ZBTB20: variants seen among roughly 807,000 people sequenced by gnomAD.
The protein encoded by ZBTB20 is zinc finger and BTB domain-containing protein 20.
In ZBTB20, 9 loss-of-function variants were observed where a neutral mutation model predicts 56.9. The observed-to-expected ratio is 0.16, with a 90% CI of 0.10 to 0.28. ZBTB20 has a LOEUF of 0.28. ZBTB20 is among the 10% of genes least tolerant of loss of function. The pLI is 1.00. For missense variants in ZBTB20, 655 were observed against 1,003.0 expected (o/e 0.65, Z 4.69); for synonymous variants, 417 against 420.7 (o/e 0.99, Z 0.11).
intron 7 of ZBTB20, among the ~76,000 whole-genome samples, chr3:114,411,071 TA>T (rs2087901433): frequency 1.3e-5 from 2 of 152,170 alleles, no homozygotes; most frequent in South Asian, 4.1e-4. Flanking sequence ...CTTACAGGGT[TA>T]AAAGCAAACT....
At chr3:114,755,506 T>A (rs181634027) in intron 5 of ZBTB20, among the ~76,000 whole-genome samples, 108 of 152,316 alleles carry the variant, frequency 7.1e-4, no homozygotes, top group African/African-American at 2.5e-3. Context: ...TAACATGTTT[T>A]AATGGTTATT....
intron 1 of ZBTB20, among the ~76,000 whole-genome samples, chr3:115,146,496 A>G (rs2084978327): frequency 6.6e-6 from 1 of 152,186 alleles, no homozygotes; most frequent in Admixed American, 6.5e-5. Context: ...CAGGAATCAA[A>G]AAGTGTTAAC....
At chr3:114,646,542 A>G (rs1037832973) in intron 6 of ZBTB20, among the ~76,000 whole-genome samples, 1 of 152,220 alleles carries the variant, frequency 6.6e-6, no homozygotes, top group African/African-American at 2.4e-5. Context: ...ACATCATAAA[A>G]TAAGCCAAAA....
intron 6 of ZBTB20, among the ~76,000 whole-genome samples, chr3:114,636,749 G>A (rs1474635434): frequency 6.6e-6 from 1 of 151,944 alleles, no homozygotes; most frequent in Admixed American, 6.6e-5. Flanking sequence ...CAGCAACAGA[G>A]GGACAAAGGA....
intron 1 of ZBTB20, chr3:115,103,003 T>C (rs2083625838): frequency 1.3e-5 from 2 of 151,428 alleles, no homozygotes; most frequent in South Asian, 2.1e-4. Flanking sequence ...AGAAGAAGAA[T>C]GTACAACATC....
At chr3:114,849,741 A>G (rs1405072565) in intron 4 of ZBTB20, among the ~76,000 whole-genome samples, 1 of 152,180 alleles carries the variant, frequency 6.6e-6, no homozygotes, top group Non-Finnish European at 1.5e-5. Context: ...ACACATGCAT[A>G]GCAAAAAGAC....
chr3:114,686,516 A>G (rs2062352145), intron 6 of ZBTB20, among the ~76,000 whole-genome samples: 2 of 152,116 alleles, frequency 1.3e-5, no homozygotes, highest in South Asian at 4.1e-4. Flanking sequence ...ACTCTTCTCT[A>G]ATTTTATTTT....
chr3:114,890,374 GT>G (rs1355848839), intron 4 of ZBTB20, among the ~76,000 whole-genome samples: 3 of 152,200 alleles, frequency 2.0e-5, no homozygotes, highest in African/African-American at 4.8e-5. Flanking sequence ...AGTAAATTGT[GT>G]ATGTGAATGA....
intron 5 of ZBTB20, among the ~76,000 whole-genome samples, chr3:114,749,835 C>G (rs1396517557): frequency 6.6e-6 from 1 of 152,144 alleles, no homozygotes; most frequent in Non-Finnish European, 1.5e-5. Flanking sequence ...GATAATGGTA[C>G]CCATCTCACA....
chr3:114,813,682 C>T (rs369934930), intron 4 of ZBTB20, among the ~76,000 whole-genome samples: 2 of 152,114 alleles, frequency 1.3e-5, no homozygotes, highest in Non-Finnish European at 2.9e-5. Flanking sequence ...GCCTGGGAGG[C>T]GGAGGTTGCA....
chr3:115,001,293 A>G (rs2079238800), intron 2 of ZBTB20, among the ~76,000 whole-genome samples: 1 of 151,424 alleles, frequency 6.6e-6, no homozygotes. Flanking sequence ...AAGAAGTCAG[A>G]TTACTCTTTT....
intron 4 of ZBTB20, among the ~76,000 whole-genome samples, chr3:114,804,505 T>C (rs1560269739): frequency 1.3e-5 from 2 of 152,018 alleles, no homozygotes; most frequent in South Asian, 2.1e-4. Flanking sequence ...CTCATCTCTC[T>C]ATAATTTATT....
In ZBTB20 at chr3:114,516,316, A is replaced by T. The variant is rs554869761; in HGVS notation, c.-294-15925T>A. 5.5e-4 allele frequency among the ~76,000 whole-genome samples: 84 copies of T among 152,286 alleles called. 1 individual carries two copies. Among genetic ancestry groups the T allele is most frequent in the African/African-American group, 1.7e-3 (70 of 41,568 alleles). ...ACACCACACTACTCAGCATTCAAGGATATATGCCATGTACATTCATGCCCC... is the reference window on the plus strand; with the variant it reads ...ACACCACACTACTCAGCATTCAAGGTTATATGCCATGTACATTCATGCCCC... On this transcript the variant is annotated intron_variant, in intron 6 of 11. Transcript: ENST00000675478.
intron 5 of ZBTB20, among the ~76,000 whole-genome samples, chr3:114,703,552 G>A (rs931714783): frequency 6.6e-6 from 1 of 151,962 alleles, no homozygotes; most frequent in African/African-American, 2.4e-5. Context: ...GATATAACTT[G>A]CAACATTAAA....
At chr3:114,841,411 G>C (rs2074379576) in intron 4 of ZBTB20, among the ~76,000 whole-genome samples, 1 of 152,156 alleles carries the variant, frequency 6.6e-6, no homozygotes, top group African/African-American at 2.4e-5. Context: ...AGAATGCTAG[G>C]GGGAAAGGGG....
chr3:114,622,652 C>T (rs899694888), intron 6 of ZBTB20, among the ~76,000 whole-genome samples: 3 of 152,122 alleles, frequency 2.0e-5, no homozygotes, highest in African/African-American at 7.2e-5. Flanking sequence ...CTGAAGCACT[C>T]AGTATAGCAA....
chr3:115,094,085 T>C (rs2083294031), intron 1 of ZBTB20, among the ~76,000 whole-genome samples: 2 of 152,060 alleles, frequency 1.3e-5, no homozygotes, highest in South Asian at 4.1e-4. Flanking sequence ...ACTTGTTTCT[T>C]AATCATCTCT....
At chr3:114,828,198 T>C (rs1026744662) in intron 4 of ZBTB20, among the ~76,000 whole-genome samples, 1 of 151,830 alleles carries the variant, frequency 6.6e-6, no homozygotes, top group Admixed American at 6.6e-5. Flanking sequence ...TATTTATATA[T>C]GTATTATTCA....
Position 114,642,077 on chromosome 3 carries a change from T to C in ZBTB20, c.-295+51451A>G, listed in dbSNP as rs573968495. Among the ~76,000 whole-genome samples the C allele has an allele frequency of 5.3e-5, 8 of 152,136 alleles. No individual in the cohort carries two copies. In the East Asian group the frequency reaches 1.5e-3, roughly 29 times the overall value. The stretch of plus-strand genomic sequence containing the variant: ...ATTTTCAGGTATGCACAAGGTTCTA[T>C]CAACTAATTCTTTGTCTCACTGATG... On this transcript the variant is annotated intron_variant, in intron 6 of 11. Transcript: ENST00000675478.
Sources: gnomAD v4.1 joint callset for allele counts (sites outside exome capture counted in the v4.1 genomes callset) on GRCh38, gnomAD v4.1.1 for gene constraint, MANE v1.5 for transcripts, NCBI Gene and HGNC (gene_info 2026-07-23, HGNC 2026-07-21) for gene names.